Variants in FNIP2 observed in about 807,000 individuals in gnomAD.
The protein encoded by FNIP2 is folliculin interacting protein 2.
FNIP2 carries 32 observed loss-of-function variants against 108.7 expected under a neutral mutation model. That is an observed-to-expected ratio of 0.29 (90% CI 0.22 to 0.40). FNIP2 has a LOEUF of 0.40. Ranked by LOEUF, FNIP2 falls within the 10% of genes least tolerant of loss-of-function variation. FNIP2 has a pLI of 1.00. For missense variants in FNIP2, 1,202 were observed against 1,381.6 expected (o/e 0.87, Z 2.06); for synonymous variants, 480 against 496.7 (o/e 0.97, Z 0.45).
chr4:158,811,827 C>T, intron 1 of FNIP2, among the ~76,000 whole-genome samples: 1 of 152,172 alleles, frequency 6.6e-6, no homozygotes, highest in Non-Finnish European at 1.5e-5. Context: ...AAGGCTGGGC[C>T]TTGGGTAATC....
chr4:158,825,777 G>C (rs1778120856), intron 1 of FNIP2, 139 bp from the exon 2 acceptor site: 2 of 1,055,080 alleles, frequency 1.9e-6, no homozygotes, highest in Admixed American at 4.1e-5. Flanking sequence ...TGGTGCCCCA[G>C]TTCTGAGGGG....
At position 158,907,148 on chromosome 4, in the gene FNIP2, T is replaced by G. The variant is rs1253721251; in HGVS notation, c.*2604T>G. 2 of 152,254 alleles carry G rather than the reference T, an allele frequency of 1.3e-5. No individual in the cohort carries two copies. Among genetic ancestry groups the G allele is most frequent in the African/African-American group, 4.8e-5 (2 of 41,472 alleles). 9.4% of individuals were successfully genotyped at this position (152,254 alleles called of 1,614,324 possible). ...CTCTTTCTAGCATGTTGCAGTTTTA[T>G]TTTTAATAAATTGGTAAGTGAAATG... is the stretch of plus-strand genomic sequence containing the variant. On this transcript the variant is annotated 3_prime_UTR_variant, in exon 17 of 17. Coordinates refer to ENST00000264433, the MANE Select transcript of FNIP2 (RefSeq NM_020840.3).
intron 14 of FNIP2, among the ~76,000 whole-genome samples, chr4:158,885,074 T>G (rs1204297283): frequency 6.6e-6 from 1 of 152,012 alleles, no homozygotes; most frequent in East Asian, 1.9e-4. Flanking sequence ...GAGAATCACT[T>G]GAGCCTGGGA....
chr4:158,900,479 T>A lies in FNIP2; in HGVS notation c.3267-3987T>A, dbSNP rs539261344. Among the ~76,000 whole-genome samples the A allele has an allele frequency of 2.0e-5, 3 of 152,316 alleles. No individual in the cohort carries two copies. The South Asian group carries it at 6.2e-4, about 32-fold the overall frequency. On this transcript the variant is annotated intron_variant, in intron 16 of 16. Transcript: ENST00000264433. ...TTATTGTGTGGGAGCCTAAGTCTCT[T>A]TGTAGCTCTTTAAGAACTTGCTTTA... is the stretch of plus-strand genomic sequence containing the variant.
intron 1 of FNIP2, among the ~76,000 whole-genome samples, chr4:158,791,913 G>A (rs1330111256): frequency 6.6e-6 from 1 of 152,134 alleles, no homozygotes; most frequent in Non-Finnish European, 1.5e-5. Flanking sequence ...GTCCTTAGGG[G>A]ATAACAGACA....
At chr4:158,901,128 A>T (rs1334250638) in intron 16 of FNIP2, among the ~76,000 whole-genome samples, 7 of 112,296 alleles carry the variant, frequency 6.2e-5, no homozygotes, top group East Asian at 4.7e-4. Context: ...CTGGGTTGAA[A>T]TTTTTTTTTT....
chr4:158,834,242 T>G (rs951689020), intron 6 of FNIP2: 2 of 149,070 alleles, frequency 1.3e-5, no homozygotes, highest in Non-Finnish European at 2.9e-5. Flanking sequence ...CATCCTTACC[T>G]GCACGGAGTT....
chr4:158,889,960 T>C (rs1229051843), intron 14 of FNIP2: 24 of 985,266 alleles, frequency 2.4e-5, no homozygotes, highest in Admixed American at 6.2e-5. Flanking sequence ...TTGGAGACTG[T>C]ATATATGCAT....
At position 158,787,259 on chromosome 4, in the gene FNIP2, G is replaced by A. The variant is rs539996876; in HGVS notation, c.107+17940G>A. On this transcript the variant is annotated intron_variant, in intron 1 of 16. Transcript: ENST00000264433. ...AAAGCAGAAATGAGCTATGCATTTT[G>A]GAGGCTTAGGATACTGAAGTTGGGA... Among the ~76,000 whole-genome samples the A allele has an allele frequency of 2.6e-5, 4 of 152,280 alleles. No individual in the cohort carries two copies. In the East Asian group the frequency reaches 7.7e-4, roughly 29 times the overall value.
chr4:158,771,481 A>G (rs1419394126), intron 1 of FNIP2, among the ~76,000 whole-genome samples: 1 of 152,252 alleles, frequency 6.6e-6, no homozygotes, highest in Non-Finnish European at 1.5e-5. Context: ...ATTTTGCCAA[A>G]TAGGAGTTGG....
chr4:158,883,610 T>C (rs755808080), intron 14 of FNIP2, among the ~76,000 whole-genome samples: 5 of 152,216 alleles, frequency 3.3e-5, no homozygotes, highest in Non-Finnish European at 7.3e-5. Context: ...GTTATAACTA[T>C]TGTGCAGATT....
At chr4:158,891,425 C>T in intron 14 of FNIP2, 21 bp from the exon 15 acceptor site, 1 of 1,571,140 alleles carries the variant, frequency 6.4e-7, no homozygotes, top group Non-Finnish European at 8.6e-7. Context: ...ATAAACCCAT[C>T]CCTTTGTGTT....
At chr4:158,837,182 G>A (rs765989740) in intron 7 of FNIP2, among the ~76,000 whole-genome samples, 13 of 152,154 alleles carry the variant, frequency 8.5e-5, no homozygotes, top group African/African-American at 2.2e-4. Flanking sequence ...ACCAGAAGTC[G>A]CAGAGTGGGA....
At chr4:158,792,109 A>G (rs1014875654) in intron 1 of FNIP2, among the ~76,000 whole-genome samples, 2 of 151,462 alleles carry the variant, frequency 1.3e-5, no homozygotes, top group African/African-American at 4.8e-5. Flanking sequence ...GTCTCAATAC[A>G]CACACACACA....
chr4:158,782,451 C>T (rs1194524623), intron 1 of FNIP2, among the ~76,000 whole-genome samples: 2 of 152,036 alleles, frequency 1.3e-5, no homozygotes, highest in African/African-American at 4.8e-5. Flanking sequence ...ATGGCAAAAT[C>T]TGTACTTGGT....
At chr4:158,795,679 G>A (rs575417615) in intron 1 of FNIP2, among the ~76,000 whole-genome samples, 2 of 152,288 alleles carry the variant, frequency 1.3e-5, no homozygotes, top group East Asian at 1.9e-4. Context: ...ACAGAGCAGC[G>A]GGCAAGGGAG....
chr4:158,861,157 A>C (rs948152312), intron 10 of FNIP2, among the ~76,000 whole-genome samples, 185 bp from the exon 11 acceptor site: 1 of 152,260 alleles, frequency 6.6e-6, no homozygotes, highest in Non-Finnish European at 1.5e-5. Context: ...CTTTTTATTT[A>C]CAAAAAAAGG....
intron 1 of FNIP2, among the ~76,000 whole-genome samples, chr4:158,824,151 A>G (rs143260941): frequency 2.8e-4 from 43 of 152,388 alleles, no homozygotes; most frequent in African/African-American, 5.8e-4. Context: ...TTTAAAAATC[A>G]TAACATTACC....
chr4:158,852,996 G>A (rs959515645), intron 8 of FNIP2, among the ~76,000 whole-genome samples: 5 of 151,954 alleles, frequency 3.3e-5, no homozygotes, highest in Admixed American at 2.6e-4. Flanking sequence ...CAAGAAAAGA[G>A]TTATTAAAGG....
Sources: allele counts gnomAD v4.1 joint callset (sites outside exome capture counted in the v4.1 genomes callset), GRCh38; gene constraint gnomAD v4.1.1; transcripts MANE v1.5; gene names NCBI Gene and HGNC (gene_info 2026-07-23, HGNC 2026-07-21).